The following CACNA2D3 variants were observed in gnomAD, a reference collection of about 807,000 sequenced individuals.
CACNA2D3 encodes calcium voltage-gated channel auxiliary subunit alpha2delta 3.
A neutral mutation model predicts 160.6 loss-of-function variants in CACNA2D3; 60 were observed. The ratio of observed to expected loss-of-function variants is 0.37; its 90% CI spans 0.30 to 0.46. The LOEUF is 0.46. Among genes scored for constraint, CACNA2D3 ranks in the 20% least tolerant of loss-of-function variants. The pLI is 1.00. For missense variants in CACNA2D3, 1,205 were observed against 1,365.0 expected (o/e 0.88, Z 1.85); for synonymous variants, 558 against 492.9 (o/e 1.13, Z -1.75).
At chr3:54,124,585 T>G (rs1251001413) in intron 2 of CACNA2D3, among the ~76,000 whole-genome samples, 1 of 152,244 alleles carries the variant, frequency 6.6e-6, no homozygotes, top group African/African-American at 2.4e-5. Context: ...GTGTTATGCA[T>G]GCTGCCTGGT....
chr3:54,866,714 TG>T (rs1258929681), intron 17 of CACNA2D3, among the ~76,000 whole-genome samples: 1 of 152,214 alleles, frequency 6.6e-6, no homozygotes, highest in African/African-American at 2.4e-5. Flanking sequence ...CCCAGCCCAC[TG>T]TGCTTCCAAA....
At chr3:54,785,233 G>T (rs1228584687) in intron 13 of CACNA2D3, among the ~76,000 whole-genome samples, 1 of 152,128 alleles carries the variant, frequency 6.6e-6, no homozygotes, top group Non-Finnish European at 1.5e-5. Context: ...AAAATGCAGT[G>T]ATTTTAAAAA....
rs1246873310 is a variant in CACNA2D3 at position 54,320,519 on chromosome 3, C to A, written c.282C>A (p.Asn94Lys). 6.4e-7 allele frequency: 1 copy of A among 1,568,058 alleles called. No homozygotes were observed. Among genetic ancestry groups the A allele is most frequent in the Non-Finnish European group, 8.7e-7 (1 of 1,155,978 alleles). ...AACTGGTAAAGAAGCTGGCAAAGAA[C>A]ATGGAAGAGATGTTTCACAAGAAGT... ...GLQLVKKLAK[N>K]MEEMFHKKSE... Residue 94 changes from asparagine (N) to lysine (K), a missense_variant, in exon 3 of 38, where the codon AAC (asparagine) becomes AAA (lysine). By Grantham distance (94) the Asn-to-Lys change is moderately conservative. Coordinates refer to ENST00000474759, the MANE Select transcript of CACNA2D3 (RefSeq NM_018398.3).
intron 35 of CACNA2D3, among the ~76,000 whole-genome samples, chr3:55,019,079 T>TTTTC (rs113970383): frequency 0.014 from 2,032 of 146,750 alleles, 13 homozygotes; most frequent in Middle Eastern, 0.024. Context: ...TGCATAGAAA[T>TTTTC]TTTCTTTCTT....
intron 27 of CACNA2D3, among the ~76,000 whole-genome samples, chr3:54,919,783 A>G (rs886730007): frequency 6.6e-6 from 1 of 152,270 alleles, no homozygotes; most frequent in African/African-American, 2.4e-5. Flanking sequence ...AAGCACTGTT[A>G]GATAAGTCCT....
chr3:54,276,932 A>G (rs1314548673), intron 2 of CACNA2D3, among the ~76,000 whole-genome samples: 2 of 152,250 alleles, frequency 1.3e-5, no homozygotes, highest in African/African-American at 2.4e-5. Flanking sequence ...TTGTTTATGT[A>G]GATGAGGGTT....
intron 27 of CACNA2D3, among the ~76,000 whole-genome samples, chr3:54,946,324 A>G (rs1390232711): frequency 6.6e-6 from 1 of 152,122 alleles, no homozygotes; most frequent in Non-Finnish European, 1.5e-5. Context: ...ATGTCTTCAG[A>G]CCACCACAAT....
At chr3:54,217,319 C>T (rs1389253262) in intron 2 of CACNA2D3, among the ~76,000 whole-genome samples, 1 of 152,172 alleles carries the variant, frequency 6.6e-6, no homozygotes, top group Non-Finnish European at 1.5e-5. Context: ...GGCAGTGTCC[C>T]TTCCCCTGGG....
At chr3:54,516,925 G>T (rs1343530239) in intron 5 of CACNA2D3, among the ~76,000 whole-genome samples, 1 of 152,182 alleles carries the variant, frequency 6.6e-6, no homozygotes, top group East Asian at 1.9e-4. Context: ...GCAGGCTCAG[G>T]ACCAGTCGGG....
At chr3:54,771,169 CA>C (rs951912825) in intron 13 of CACNA2D3, among the ~76,000 whole-genome samples, 11 of 152,228 alleles carry the variant, frequency 7.2e-5, no homozygotes, top group African/African-American at 2.6e-4. Context: ...TTTCCAGACA[CA>C]GAGAGAGGGG....
chr3:54,646,746 G>T (rs1177596101), intron 11 of CACNA2D3, among the ~76,000 whole-genome samples: 1 of 152,158 alleles, frequency 6.6e-6, no homozygotes, highest in African/African-American at 2.4e-5. Flanking sequence ...ATAATAGAAT[G>T]ATTTATATTC....
chr3:54,309,683 G>A (rs1357391505), intron 2 of CACNA2D3, among the ~76,000 whole-genome samples: 1 of 152,184 alleles, frequency 6.6e-6, no homozygotes, highest in Non-Finnish European at 1.5e-5. Flanking sequence ...TCCTGAGGGG[G>A]GTGTCAGAAG....
intron 3 of CACNA2D3, among the ~76,000 whole-genome samples, chr3:54,357,522 T>C (rs375471141): frequency 1.3e-5 from 2 of 152,220 alleles, no homozygotes; most frequent in African/African-American, 2.4e-5. Flanking sequence ...CAGTTTCTTA[T>C]GGGACTACAC....
chr3:54,913,124 A>G (rs1184856729), intron 27 of CACNA2D3, among the ~76,000 whole-genome samples: 1 of 152,052 alleles, frequency 6.6e-6, no homozygotes, highest in Non-Finnish European at 1.5e-5. Context: ...TCACTCGGTC[A>G]CTCAGACTGG....
intron 2 of CACNA2D3, among the ~76,000 whole-genome samples, chr3:54,222,367 C>G (rs908745415): frequency 3.3e-5 from 5 of 152,154 alleles, no homozygotes; most frequent in Admixed American, 3.3e-4. Flanking sequence ...CAGGAATAAG[C>G]CAATGTCCTG....
rs1553838773 is a variant in CACNA2D3, at chr3:54,763,812, C to CGTATATATACGTATATATATGTGT, written c.1247-406_1247-405insGTATATATACGTATATATATGTGT. On this transcript the variant is annotated intron_variant, in intron 12 of 37. Coordinates refer to ENST00000474759, the MANE Select transcript of CACNA2D3 (RefSeq NM_018398.3). ...ATGTATATATATGTACATATATATA[C>CGTATATATACGTATATATATGTGT]ATATATATATACGTATATATATGTA... Among the ~76,000 whole-genome samples, 2 of 41,888 alleles carry CGTATATATACGTATATATATGTGT rather than the reference C, an allele frequency of 4.8e-5. 1 individual carries two copies. The highest frequency in any genetic ancestry group is 8.7e-5 in the Non-Finnish European group (2 of 23,056). The allele number at this position is 41,888 out of a possible 152,430, so 27.5% of individuals were successfully genotyped here. A position where few individuals can be genotyped will look rare whatever the true frequency, so the allele number is the denominator to read the frequency against.
At chr3:54,881,287 T>C (rs1699789965) in intron 21 of CACNA2D3, among the ~76,000 whole-genome samples, 1 of 152,152 alleles carries the variant, frequency 6.6e-6, no homozygotes, top group Non-Finnish European at 1.5e-5. Flanking sequence ...AAAACAGAGA[T>C]ATGAGAGCCT....
chr3:55,053,462 A>C (rs9836010), intron 35 of CACNA2D3, among the ~76,000 whole-genome samples: 25,397 of 151,926 alleles, frequency 0.17, 2,326 homozygotes, highest in African/African-American at 0.2. Flanking sequence ...AGCTTCCTTT[A>C]AATTCTAACA....
intron 9 of CACNA2D3, among the ~76,000 whole-genome samples, chr3:54,599,228 T>G (rs935545193): frequency 2.6e-5 from 4 of 152,186 alleles, no homozygotes; most frequent in African/African-American, 9.7e-5. Context: ...TTGCCTTTCA[T>G]TTGTTCATCA....
Sources: allele counts gnomAD v4.1 joint callset (sites outside exome capture counted in the v4.1 genomes callset), GRCh38; gene constraint gnomAD v4.1.1; transcripts MANE v1.5; gene names NCBI Gene and HGNC (gene_info 2026-07-23, HGNC 2026-07-21).